TTC34: variants seen among roughly 807,000 people sequenced by gnomAD.
TTC34 encodes the protein tetratricopeptide repeat domain 34, also known as tetratricopeptide repeat protein 34.
TTC34 carries 44 observed loss-of-function variants against 40.7 expected under a neutral mutation model. That is an observed-to-expected ratio of 1.08 (90% confidence interval 0.85 to 1.39). TTC34 has a LOEUF of 1.39. Ranked by LOEUF, TTC34 falls within the 40% of genes most tolerant of loss-of-function variation. The pLI is 0.00. For synonymous variants in TTC34, 422 were observed against 398.6 expected (o/e 1.06, Z -0.70); for missense variants, 884 against 838.0 (o/e 1.05, Z -0.68).
At chr1:2,794,124 T>C (rs914142464) in intron 2 of TTC34, among the ~76,000 whole-genome samples, 4 of 152,262 alleles carry the variant, frequency 2.6e-5, no homozygotes, top group African/African-American at 7.2e-5. Context: ...GTCTGGTAAG[T>C]AGCTGGGATC....
At chr1:2,637,134 G>T (rs1422701661) in exon 9 of TTC34, 1 of 152,152 alleles carries the variant, frequency 6.6e-6, no homozygotes, top group African/African-American at 2.4e-5. Context: ...ATGGGGGAGT[G>T]CATGCTGATT....
chr1:2,778,243 C>G (rs1643373602), intron 6 of TTC34, among the ~76,000 whole-genome samples: 3 of 152,246 alleles, frequency 2.0e-5, no homozygotes, highest in African/African-American at 7.2e-5. Flanking sequence ...GAAGCCCTGG[C>G]AGGCACATTG....
At chr1:2,691,646 C>T (rs879026869) in intron 6 of TTC34, among the ~76,000 whole-genome samples, 2 of 108,196 alleles carry the variant, frequency 1.8e-5, no homozygotes, top group Non-Finnish European at 2.1e-5. Flanking sequence ...ACGTGACAGC[C>T]TGGAACAGCA....
intron 6 of TTC34, among the ~76,000 whole-genome samples, chr1:2,683,703 A>C (rs1234385839): frequency 6.8e-6 from 1 of 148,056 alleles, no homozygotes; most frequent in Non-Finnish European, 1.5e-5. Flanking sequence ...AGCCTGGAAC[A>C]GCACCCACAC....
At chr1:2,651,215 C>T (rs1639125783) in intron 6 of TTC34, among the ~76,000 whole-genome samples, 1 of 152,052 alleles carries the variant, frequency 6.6e-6, no homozygotes, top group Non-Finnish European at 1.5e-5. Context: ...ATCTGACTGC[C>T]TGGAACGGCA....
At chr1:2,644,506 G>A (rs1638979442) in intron 7 of TTC34, 28 bp from the exon 8 acceptor site, 2 of 1,522,390 alleles carry the variant, frequency 1.3e-6, no homozygotes, top group Admixed American at 2.0e-5. Context: ...GGGACAGTCA[G>A]TGTGTGGGGT....
chr1:2,799,216 T>C (rs1557695270), intron 2 of TTC34, among the ~76,000 whole-genome samples: 1 of 152,198 alleles, frequency 6.6e-6, no homozygotes, highest in African/African-American at 2.4e-5. Flanking sequence ...CTCTGGCACA[T>C]TTTGCACATG....
Position 2,645,964 on chromosome 1 carries a change from C to T in TTC34, c.2227-401G>A, listed in dbSNP as rs182658256. On this transcript the variant is annotated intron_variant, in intron 6 of 8. Transcript: ENST00000401095. The surrounding 1 kb of genome is among the most constrained non-coding windows in gnomAD (Gnocchi z 4.7). ...CTCCCCACAGGGGCATCTGTCACCT[C>T]ACAGTGGGGGACGCTGGAGCTCCTT... Among the ~76,000 whole-genome samples the T allele has an allele frequency of 6.6e-6, 1 of 152,164 alleles. No individual in the cohort carries two copies. The highest frequency in any genetic ancestry group is 1.5e-5 in the Non-Finnish European group (1 of 68,026).
intron 6 of TTC34, among the ~76,000 whole-genome samples, chr1:2,768,019 T>A (rs1471897181): frequency 6.6e-6 from 1 of 151,184 alleles, no homozygotes; most frequent in African/African-American, 2.4e-5. Flanking sequence ...GGTGAGCATC[T>A]GACAGCATAA....
intron 6 of TTC34, among the ~76,000 whole-genome samples, chr1:2,700,121 C>T (rs1175037850): frequency 8.4e-6 from 1 of 119,664 alleles, no homozygotes; most frequent in Admixed American, 8.9e-5. Flanking sequence ...GAGCCTGGAG[C>T]AGCATCCTCA....
chr1:2,681,622 A>C (rs1640078359), intron 6 of TTC34, among the ~76,000 whole-genome samples: 1 of 57,508 alleles, frequency 1.7e-5, no homozygotes, highest in African/African-American at 6.8e-5. Flanking sequence ...AACCGCAGCC[A>C]CACCCCCAGC....
chr1:2,751,309 G>GTC (rs2100430845), intron 6 of TTC34, among the ~76,000 whole-genome samples: 34 of 12,324 alleles, frequency 2.8e-3, no homozygotes, highest in African/African-American at 5.1e-3. Context: ...ATCCGACACC[G>GTC]TGGAGCAGAA....
intron 6 of TTC34, chr1:2,775,317 TG>T (rs2100579991): frequency 6.6e-6 from 1 of 150,504 alleles, no homozygotes; most frequent in South Asian, 2.1e-4. Flanking sequence ...CAACCCCAGG[TG>T]AGGATCTGAC....
chr1:2,764,131 G>T (rs1304411304), intron 6 of TTC34, among the ~76,000 whole-genome samples: 14 of 145,304 alleles, frequency 9.6e-5, no homozygotes, highest in African/African-American at 3.1e-4. Flanking sequence ...GCCTGGAACA[G>T]AACCCCACTC....
chr1:2,751,645 C>A (rs1409925425), intron 6 of TTC34, among the ~76,000 whole-genome samples: 3 of 127,372 alleles, frequency 2.4e-5, no homozygotes, highest in Non-Finnish European at 3.3e-5. Context: ...ACAGCACCCA[C>A]ACCCCCAGTT....
At chr1:2,641,110 T>C (rs1420015065) in exon 9 of TTC34, 40 of 121,646 alleles carry the variant, frequency 3.3e-4, no homozygotes, top group Non-Finnish European at 1.2e-4. Flanking sequence ...GGGAAGGTGG[T>C]GTGGGGAGGG....
chr1:2,642,152 C>T (rs1056547323), intron 8 of TTC34, among the ~76,000 whole-genome samples: 19 of 152,314 alleles, frequency 1.2e-4, no homozygotes, highest in Admixed American at 2.0e-4. Flanking sequence ...AGTGCTGTTC[C>T]GACCCTTGGC....
chr1:2,657,342 C>T (rs1172744356), intron 6 of TTC34, among the ~76,000 whole-genome samples: 1 of 105,770 alleles, frequency 9.5e-6, no homozygotes, highest in Non-Finnish European at 2.4e-5. Context: ...CACCCATAGC[C>T]CAAGGTGAGC....
chr1:2,768,718 G>T (rs1163784706), intron 6 of TTC34, among the ~76,000 whole-genome samples: 1 of 137,382 alleles, frequency 7.3e-6, no homozygotes, highest in Non-Finnish European at 1.6e-5. Context: ...TGAGCATCTG[G>T]CAGCCTGGAA....
Sources: gnomAD v4.1 joint callset for allele counts (sites outside exome capture counted in the v4.1 genomes callset) on GRCh38, gnomAD v4.1.1 for gene constraint, Gnocchi (gnomAD v3.1) non-coding constraint, MANE v1.5 for transcripts, NCBI Gene and HGNC (gene_info 2026-07-23, HGNC 2026-07-21) for gene names.